SLC25A21: variants seen among roughly 807,000 people sequenced by gnomAD.
SLC25A21 encodes mitochondrial 2-oxodicarboxylate carrier.
SLC25A21 carries 47 observed loss-of-function variants against 43.8 expected under a neutral mutation model. That is an observed-to-expected ratio of 1.07 (90% CI 0.85 to 1.37). The LOEUF (loss-of-function observed/expected upper bound fraction) is 1.37. SLC25A21 is among the 40% of genes most tolerant of loss of function. The pLI, the probability that SLC25A21 is intolerant of heterozygous loss-of-function variation, is 0.00. For missense variants in SLC25A21, 352 were observed against 350.2 expected (o/e 1.00, Z -0.04); for synonymous variants, 131 against 121.3 (o/e 1.08, Z -0.52).
chr14:37,006,682 C>A (rs903291400), intron 1 of SLC25A21, among the ~76,000 whole-genome samples: 1 of 151,812 alleles, frequency 6.6e-6, no homozygotes, highest in Non-Finnish European at 1.5e-5. Flanking sequence ...CTATTTTCCC[C>A]AACATTTTAA....
intron 1 of SLC25A21, among the ~76,000 whole-genome samples, chr14:37,110,257 G>T (rs1340111141): frequency 6.6e-6 from 1 of 152,162 alleles, no homozygotes; most frequent in East Asian, 1.9e-4. Context: ...AGAGGCATTA[G>T]TTAGCCAGAA....
At chr14:36,902,163 TG>T (rs751824192) in intron 1 of SLC25A21, among the ~76,000 whole-genome samples, 9 of 152,236 alleles carry the variant, frequency 5.9e-5, no homozygotes, top group Non-Finnish European at 1.3e-4. Context: ...GCAGGAAGAA[TG>T]AAGAAAGTAA....
At chr14:36,768,983 C>G (rs993130698) in intron 3 of SLC25A21, among the ~76,000 whole-genome samples, 2 of 151,406 alleles carry the variant, frequency 1.3e-5, no homozygotes, top group African/African-American at 2.4e-5. Flanking sequence ...ATATCTATAT[C>G]TGTATCTATA....
intron 2 of SLC25A21, among the ~76,000 whole-genome samples, chr14:36,844,083 G>C (rs368636203): frequency 6.6e-6 from 1 of 152,166 alleles, no homozygotes; most frequent in Non-Finnish European, 1.5e-5. Flanking sequence ...GTCACATTAG[G>C]AGGCACGAAG....
chr14:36,875,084 G>A, intron 1 of SLC25A21, 80 bp from the exon 2 acceptor site: 1 of 1,164,262 alleles, frequency 8.6e-7, no homozygotes, highest in Non-Finnish European at 1.3e-6. Context: ...GATTTCTCGA[G>A]TGTGAGGGTT....
intron 1 of SLC25A21, among the ~76,000 whole-genome samples, chr14:37,107,922 T>A (rs1387593833): frequency 2.6e-5 from 4 of 152,154 alleles, no homozygotes; most frequent in Admixed American, 2.0e-4. Context: ...ACAGTTCCAG[T>A]TTATGCCTGT....
chr14:36,942,872 G>A (rs1483886347), intron 1 of SLC25A21, among the ~76,000 whole-genome samples: 6 of 152,158 alleles, frequency 3.9e-5, no homozygotes, highest in East Asian at 3.9e-4. Flanking sequence ...AAAATATTAT[G>A]TGCAGAGGTA....
At chr14:36,958,157 A>G (rs1358335544) in intron 1 of SLC25A21, among the ~76,000 whole-genome samples, 8 of 151,218 alleles carry the variant, frequency 5.3e-5, no homozygotes, top group Non-Finnish European at 1.2e-4. Context: ...GTTTGCCTAG[A>G]CAACCAAACT....
chr14:37,028,678 C>T (rs1961143825), intron 1 of SLC25A21, among the ~76,000 whole-genome samples: 1 of 152,066 alleles, frequency 6.6e-6, no homozygotes, highest in African/African-American at 2.4e-5. Context: ...TATTTTTGAA[C>T]AACAAATATT....
chr14:37,092,158 G>A (rs372468702), intron 1 of SLC25A21, among the ~76,000 whole-genome samples: 104 of 152,228 alleles, frequency 6.8e-4, no homozygotes, highest in Non-Finnish European at 1.3e-3. Flanking sequence ...AAGGGTCTTT[G>A]TCTGAAAGCC....
intron 1 of SLC25A21, among the ~76,000 whole-genome samples, chr14:37,064,451 G>A (rs889237833): frequency 3.0e-4 from 46 of 151,340 alleles, no homozygotes; most frequent in Non-Finnish European, 8.8e-5. Context: ...CCTTCTGTTG[G>A]TCTGTCTTGG....
intron 1 of SLC25A21, among the ~76,000 whole-genome samples, chr14:37,150,062 T>C (rs1047541484): frequency 6.6e-6 from 1 of 152,156 alleles, no homozygotes; most frequent in African/African-American, 2.4e-5. Flanking sequence ...GAAAAATTAT[T>C]ATTCATACAT....
At chr14:36,894,479 C>G (rs1476201036) in intron 1 of SLC25A21, among the ~76,000 whole-genome samples, 1 of 152,176 alleles carries the variant, frequency 6.6e-6, no homozygotes, top group East Asian at 1.9e-4. Context: ...ATCATGTCAT[C>G]TGCAAACAGG....
chr14:36,754,989 A>G (rs1442958871), intron 3 of SLC25A21, among the ~76,000 whole-genome samples: 1 of 152,214 alleles, frequency 6.6e-6, no homozygotes, highest in Non-Finnish European at 1.5e-5. Flanking sequence ...AATTATGATG[A>G]AAACTGTAAA....
chr14:36,857,056 G>A (rs1889921058), intron 2 of SLC25A21, among the ~76,000 whole-genome samples: 2 of 152,140 alleles, frequency 1.3e-5, no homozygotes. Flanking sequence ...ACCACTGTTT[G>A]ACTCTAGAAT....
intron 1 of SLC25A21, among the ~76,000 whole-genome samples, chr14:37,090,186 G>T (rs529497949): frequency 2.6e-5 from 4 of 152,182 alleles, no homozygotes; most frequent in African/African-American, 9.6e-5. Context: ...TCTCCTTTAG[G>T]GCATCTGGGA....
At chr14:37,116,258 A>T (rs1234992006) in intron 1 of SLC25A21, among the ~76,000 whole-genome samples, 1 of 152,166 alleles carries the variant, frequency 6.6e-6, no homozygotes, top group East Asian at 1.9e-4. Flanking sequence ...TTGGTACCAC[A>T]TATACAGACC....
At chr14:36,807,231 G>A (rs7154494) in intron 3 of SLC25A21, 63,700 of 152,092 alleles carry the variant, frequency 0.42, 13,797 homozygotes, top group East Asian at 0.7. Context: ...GAACTCCACC[G>A]GATCTGTAGT....
chr14:36,879,461 T>C (rs1890644291), intron 1 of SLC25A21, among the ~76,000 whole-genome samples: 1 of 152,150 alleles, frequency 6.6e-6, no homozygotes, highest in South Asian at 2.1e-4. Context: ...TAATATATTG[T>C]AAATGTTTTC....
Sources: gnomAD v4.1 joint callset for allele counts (sites outside exome capture counted in the v4.1 genomes callset) on GRCh38, gnomAD v4.1.1 for gene constraint, MANE v1.5 for transcripts, NCBI Gene and HGNC (gene_info 2026-07-23, HGNC 2026-07-21) for gene names.